The following DDO variants were observed in gnomAD, a reference collection of about 807,000 sequenced individuals.
The protein encoded by DDO is D-aspartate oxidase, DDO.
A neutral mutation model predicts 16.8 loss-of-function variants in DDO; 16 were observed. The ratio of observed to expected loss-of-function variants is 0.95; its 90% CI spans 0.65 to 1.45. The LOEUF is 1.45. DDO is among the 40% of genes most tolerant of loss of function. The probability of loss-of-function intolerance (pLI) is 0.00; values close to 1 mark genes in which losing one functional copy is unlikely to be tolerated. For synonymous variants in DDO, 180 were observed against 167.2 expected (o/e 1.08, Z -0.59); for missense variants, 429 against 420.3 (o/e 1.02, Z -0.18).
intron 4 of DDO, among the ~76,000 whole-genome samples, chr6:110,399,689 A>T (rs1773410947): frequency 6.6e-6 from 1 of 152,136 alleles, no homozygotes; most frequent in Non-Finnish European, 1.5e-5. Flanking sequence ...GGCTGCAGGG[A>T]GCTAATCTGC....
intron 3 of DDO, 151 bp from the exon 4 acceptor site, chr6:110,405,101 A>C: frequency 1.3e-6 from 1 of 758,306 alleles, no homozygotes; most frequent in Non-Finnish European, 2.1e-6. Context: ...CAGTGGCACA[A>C]TCATGGCCCA....
At chr6:110,412,111 T>G (rs1233076920) in intron 2 of DDO, among the ~76,000 whole-genome samples, 1 of 152,094 alleles carries the variant, frequency 6.6e-6, no homozygotes, top group East Asian at 1.9e-4. Context: ...CCGGGCGTGG[T>G]GGCTCATGCC....
chr6:110,396,624 G>A (rs1469787506), intron 4 of DDO, among the ~76,000 whole-genome samples: 1 of 152,168 alleles, frequency 6.6e-6, no homozygotes, highest in Non-Finnish European at 1.5e-5. Flanking sequence ...AACCAATAAA[G>A]CCAATGGATT....
At chr6:110,397,163 A>G (rs986113421) in intron 4 of DDO, among the ~76,000 whole-genome samples, 4 of 152,200 alleles carry the variant, frequency 2.6e-5, no homozygotes, top group African/African-American at 9.7e-5. Flanking sequence ...ACACATCTGG[A>G]AAAAGCATAA....
chr6:110,394,606 G>A (rs879443680), intron 4 of DDO, among the ~76,000 whole-genome samples: 7 of 152,326 alleles, frequency 4.6e-5, no homozygotes, highest in South Asian at 2.1e-4. Flanking sequence ...AGTGCCCTTC[G>A]TCAAGGGCTG....
Position 110,393,230 on chromosome 6 carries a change from C to A in DDO, c.571G>T (p.Ala191Ser). 1 of 1,614,236 alleles carries A rather than the reference C, an allele frequency of 6.2e-7. No individual in the cohort carries two copies. Among genetic ancestry groups the A allele is most frequent in the Non-Finnish European group, 8.5e-7 (1 of 1,180,044 alleles). The change falls in exon 5 of 5, where the codon GCA becomes TCA. Residue 191 changes from alanine (A) to serine (S), a missense_variant. By Grantham distance (99) the Ala-to-Ser change is moderately conservative. Transcript: ENST00000368924. The part of the protein sequence containing the change: ...NCSGLGSRQL[A>S]GDSKIFPVRG... ...ACAGGGAAAATCTTTGAGTCTCCTG[C>A]AAGCTGTCTGCTTCCAAGGCCTGAA... is the stretch of plus-strand genomic sequence containing the variant.
chr6:110,412,719 C>T (rs931962637), intron 2 of DDO, among the ~76,000 whole-genome samples: 5 of 152,230 alleles, frequency 3.3e-5, no homozygotes, highest in East Asian at 1.9e-4. Flanking sequence ...GACAAGCTGG[C>T]CCCTTGCTGA....
Position 110,392,558 on chromosome 6 carries a change from C to T in DDO, c.*217G>A. ...CCTCTAAAAAATGTTACCCAGATTG[C>T]ACTCAAACTCCTGGGCTCAACAATC... On this transcript the variant is annotated 3_prime_UTR_variant, in exon 5 of 5. Transcript: ENST00000368924. 8.2e-7 allele frequency: 1 copy of T among 1,224,110 alleles called. No individual in the cohort carries two copies. The allele number at this position is 1,224,110 out of a possible 1,614,324, so 75.8% of individuals were successfully genotyped here. A position where few individuals can be genotyped will look rare whatever the true frequency, so the allele number is the denominator to read the frequency against.
At position 110,408,324 on chromosome 6, in the gene DDO, C is replaced by T; in HGVS notation, c.281+10G>A. Reference sequence around the variant, plus strand: ...TACACTCTAAAATAACTTCAAATTTCTTCACTTACCCTGATACCAAATGAA... The same window carrying T: ...TACACTCTAAAATAACTTCAAATTTTTTCACTTACCCTGATACCAAATGAA... On this transcript the variant is annotated intron_variant, in intron 3 of 4. Transcript: ENST00000368924. The T allele has an allele frequency of 6.2e-7, 1 of 1,611,826 alleles. No homozygotes were observed. The highest frequency in any genetic ancestry group is 1.1e-5 in the South Asian group (1 of 90,870).
At position 110,413,442 on chromosome 6, in the gene DDO, T is replaced by G. The variant is rs201572167; in HGVS notation, c.21A>C (p.Ala7=). ...GCCCCACCACACCTGCCCCGACAACTGCAATCCGTGCTGTGTCCATGAGCC... is the reference window on the plus strand; with the variant it reads ...GCCCCACCACACCTGCCCCGACAACGGCAATCCGTGCTGTGTCCATGAGCC... MDTARI[A]VVGAGVVGLS... is the part of the protein sequence containing the mutation. The change falls in exon 2 of 5, where the codon GCA becomes GCC. Residue 7 remains alanine, a synonymous_variant. Coordinates refer to ENST00000368924, the MANE Select transcript of DDO (RefSeq NM_001372108.2). 1.2e-6 allele frequency: 2 copies of G among 1,613,620 alleles called. No individual in the cohort carries two copies. Among genetic ancestry groups the G allele is most frequent in the Non-Finnish European group, 1.7e-6 (2 of 1,179,998 alleles).
chr6:110,404,769 C>T lies in DDO; in HGVS notation c.458+5G>A, dbSNP rs1308917715. 3 of 1,613,722 alleles carry T rather than the reference C, an allele frequency of 1.9e-6. No homozygotes were observed. Among genetic ancestry groups the T allele is most frequent in the African/African-American group, 2.7e-5 (2 of 74,918 alleles). On this transcript the variant is annotated splice_donor_5th_base_variant and intron_variant, in intron 4 of 4. Coordinates refer to ENST00000368924, the MANE Select transcript of DDO (RefSeq NM_001372108.2). ...AAGGAAATATCAGGGAGCATTTCAA[C>T]TGACCTTTTCTCCAACCACGGGAGG...
intron 4 of DDO, among the ~76,000 whole-genome samples, chr6:110,394,253 T>G (rs1773216107): frequency 6.6e-6 from 1 of 152,054 alleles, no homozygotes; most frequent in African/African-American, 2.4e-5. Context: ...CACAGGTGTG[T>G]GCCACCATGC....
chr6:110,388,870 T>G, downstream of DDO: 3 of 925,248 alleles, frequency 3.2e-6, no homozygotes, highest in Non-Finnish European at 3.9e-6. Flanking sequence ...TAAAGCAGTC[T>G]ATTCTCAGGC....
At position 110,413,359 on chromosome 6, in the gene DDO, G is replaced by A. The variant is rs1421571843; in HGVS notation, c.104C>T (p.Ser35Leu). Residue 35 changes from serine (S) to leucine (L), a missense_variant, in exon 2 of 5, where the codon TCA becomes TTA. By Grantham distance (145) the Ser-to-Leu change is moderately radical. Transcript: ENST00000368924. ...LVPRCSVTII[S>L]DKFTPDTTSD... ...GGTGGTATCTGGAGTAAACTTGTCT[G>A]AAATGATGGTAACGGAGCATCGGGG... The A allele has an allele frequency of 5.0e-6, 8 of 1,614,034 alleles. No individual in the cohort carries two copies. The highest frequency in any genetic ancestry group is 5.9e-6 in the Non-Finnish European group (7 of 1,180,040).
intron 4 of DDO, among the ~76,000 whole-genome samples, chr6:110,398,449 C>A (rs898977422): frequency 6.6e-6 from 1 of 150,868 alleles, no homozygotes; most frequent in African/African-American, 2.5e-5. Context: ...GGAGCAGAGT[C>A]CCCTCATCCC....
At chr6:110,399,834 G>A (rs1331408719) in intron 4 of DDO, among the ~76,000 whole-genome samples, 8 of 152,236 alleles carry the variant, frequency 5.3e-5, no homozygotes, top group Non-Finnish European at 1.2e-4. Flanking sequence ...TGTGCCTTCT[G>A]TCTGAGGCAC....
At chr6:110,406,647 C>G (rs1369231558) in intron 3 of DDO, among the ~76,000 whole-genome samples, 2 of 152,198 alleles carry the variant, frequency 1.3e-5, no homozygotes, top group Non-Finnish European at 2.9e-5. Context: ...CCTTCAGTCC[C>G]TCCCACACAC....
Position 110,393,310 on chromosome 6 carries a change from CGAGT to C in DDO, c.487_490del (p.Thr163GlyfsTer3). ...AAGTTCCCACAGGTCTTCTATTCGC[CGAGT>C]GAGTGTCCAGCCTCCACTTCCCTTT... On this transcript the variant is annotated frameshift_variant, in exon 5 of 5. Transcript: ENST00000368924. LOFTEE classifies it low-confidence loss of function (END_TRUNC). 1.2e-6 allele frequency: 2 copies of C among 1,607,372 alleles called. No individual in the cohort carries two copies. Among genetic ancestry groups the C allele is most frequent in the African/African-American group, 2.7e-5 (2 of 74,930 alleles).
At chr6:110,415,178 G>A (rs1416484207) in intron 1 of DDO, among the ~76,000 whole-genome samples, 1 of 152,244 alleles carries the variant, frequency 6.6e-6, no homozygotes, top group African/African-American at 2.4e-5. Flanking sequence ...GGGCCAGCTT[G>A]AGTAGAGCTG....
Sources: gnomAD v4.1 joint callset for allele counts (sites outside exome capture counted in the v4.1 genomes callset) on GRCh38, gnomAD v4.1.1 for gene constraint, MANE v1.5 for transcripts, NCBI Gene and HGNC (gene_info 2026-07-23, HGNC 2026-07-21) for gene names.